MYOM2: variants seen among roughly 807,000 people sequenced by gnomAD.
The protein encoded by MYOM2 is myomesin-2.
In MYOM2, 254 loss-of-function variants were observed where a neutral mutation model predicts 187.6. The observed-to-expected ratio is 1.35, with a 90% CI of 1.22 to 1.50. MYOM2 has a LOEUF of 1.50. MYOM2 is among the 40% of genes most tolerant of loss of function. The pLI, the probability that MYOM2 is intolerant of heterozygous loss-of-function variation, is 0.00. For synonymous variants in MYOM2, 981 were observed against 753.8 expected (o/e 1.30, Z -4.94); for missense variants, 2,796 against 1,924.0 (o/e 1.45, Z -8.48).
chr8:2,117,059 A>C (rs189904926), intron 27 of MYOM2, among the ~76,000 whole-genome samples: 1 of 152,246 alleles, frequency 6.6e-6, no homozygotes, highest in Admixed American at 6.5e-5. Flanking sequence ...CACTGCGCCC[A>C]GCCTCAAAAA....
At chr8:2,071,215 G>C (rs538073217) in intron 8 of MYOM2, among the ~76,000 whole-genome samples, 3 of 151,268 alleles carry the variant, frequency 2.0e-5, no homozygotes, top group African/African-American at 4.9e-5. Flanking sequence ...GGTTGTTCTC[G>C]AACTCCTGGG....
At chr8:2,078,195 T>G (rs1585862717) in intron 11 of MYOM2, among the ~76,000 whole-genome samples, 2 of 152,344 alleles carry the variant, frequency 1.3e-5, no homozygotes, top group East Asian at 1.9e-4. Context: ...AAATTCCACA[T>G]GAGAGGCATT....
chr8:2,067,858 A>T (rs747154923), intron 6 of MYOM2, among the ~76,000 whole-genome samples: 3 of 151,996 alleles, frequency 2.0e-5, no homozygotes, highest in Non-Finnish European at 4.4e-5. Flanking sequence ...ATGTCTTGGG[A>T]TCATATTACT....
intron 36 of MYOM2, among the ~76,000 whole-genome samples, chr8:2,144,202 T>A (rs1798375772): frequency 6.6e-6 from 1 of 152,354 alleles, no homozygotes; most frequent in South Asian, 2.1e-4. Context: ...AAGCATGTTT[T>A]AACTAAGCTT....
chr8:2,063,875 A>G (rs1818926773), intron 6 of MYOM2, among the ~76,000 whole-genome samples: 1 of 152,230 alleles, frequency 6.6e-6, no homozygotes, highest in South Asian at 2.1e-4. Context: ...GAGACCAGAG[A>G]AGACTCTCTC....
intron 13 of MYOM2, among the ~76,000 whole-genome samples, chr8:2,084,611 A>C (rs1819744458): frequency 6.6e-6 from 1 of 152,202 alleles, no homozygotes; most frequent in Non-Finnish European, 1.5e-5. Context: ...TTTAAAAAAG[A>C]TGTATGTCAG....
chr8:2,079,654 G>A (rs1337091376), intron 13 of MYOM2, 41 bp downstream of exon 13: 2 of 1,599,044 alleles, frequency 1.3e-6, no homozygotes, highest in African/African-American at 2.7e-5. Context: ...AGCCCCTGGG[G>A]ATTTGGAGTT....
intron 16 of MYOM2, among the ~76,000 whole-genome samples, chr8:2,092,977 C>T (rs1038527233): frequency 5.3e-5 from 8 of 152,204 alleles, no homozygotes; most frequent in Middle Eastern, 3.4e-3. Flanking sequence ...GGGGCAGCCT[C>T]GGGGGATGCT....
At chr8:2,055,544 C>T (rs1283181118) in intron 3 of MYOM2, among the ~76,000 whole-genome samples, 2 of 151,874 alleles carry the variant, frequency 1.3e-5, no homozygotes, top group African/African-American at 4.8e-5. Context: ...GAGGTGAGGT[C>T]CCCGATTCCT....
intron 32 of MYOM2, among the ~76,000 whole-genome samples, chr8:2,129,467 T>C (rs1332186510): frequency 1.3e-5 from 2 of 152,150 alleles, no homozygotes; most frequent in Non-Finnish European, 2.9e-5. Flanking sequence ...CAGACAAATT[T>C]CTCTAGTGTC....
chr8:2,099,590 T>C (rs1024282498), intron 19 of MYOM2, among the ~76,000 whole-genome samples: 6 of 152,284 alleles, frequency 3.9e-5, no homozygotes, highest in Non-Finnish European at 7.4e-5. Context: ...CGCACTCTAC[T>C]GGTTTTTTGT....
chr8:2,086,477 C>CGTG (rs1796071358), intron 14 of MYOM2, among the ~76,000 whole-genome samples: 1 of 138,120 alleles, frequency 7.2e-6, no homozygotes, highest in Non-Finnish European at 1.6e-5. Context: ...CACACACTGT[C>CGTG]ATGATCTCTG....
chr8:2,076,197 G>T lies in MYOM2; in HGVS notation c.1177G>T (p.Asp393Tyr). ...PGAPMDLQCH[D>Y]ANRDYVIVTW... is the part of the protein sequence containing the mutation. The stretch of plus-strand genomic sequence containing the variant: ...TGCACCCATGGACTTGCAGTGCCAC[G>T]ACGCCAACCGGGACTACGTCATCGT... The change falls in exon 11 of 37, where the codon GAC becomes TAC. Residue 393 changes from aspartate to tyrosine, a missense_variant. By Grantham distance (160) the Asp-to-Tyr change is radical. Coordinates refer to ENST00000262113, the MANE Select transcript of MYOM2 (RefSeq NM_003970.4). 2 of 1,613,504 alleles carry T rather than the reference G, an allele frequency of 1.2e-6. No individual in the cohort carries two copies. Among genetic ancestry groups the T allele is most frequent in the Non-Finnish European group, 1.7e-6 (2 of 1,179,890 alleles).
At chr8:2,118,179 A>T (rs1797310862) in intron 28 of MYOM2, among the ~76,000 whole-genome samples, 1 of 152,122 alleles carries the variant, frequency 6.6e-6, no homozygotes, top group South Asian at 2.1e-4. Flanking sequence ...GTGTAGTGGG[A>T]TGCAATGGAA....
At chr8:2,078,982 G>A in intron 12 of MYOM2, 49 bp downstream of exon 12, 2 of 1,572,574 alleles carry the variant, frequency 1.3e-6, no homozygotes, top group Non-Finnish European at 1.7e-6. Context: ...AGCTTTGGCT[G>A]TTTTGTGTGT....
chr8:2,050,111 G>C (rs185755680), intron 1 of MYOM2, among the ~76,000 whole-genome samples: 3 of 152,118 alleles, frequency 2.0e-5, no homozygotes, highest in Non-Finnish European at 4.4e-5. Context: ...GCAGACACCC[G>C]CCACCTCCGC....
At chr8:2,080,509 C>G (rs1299167502) in intron 13 of MYOM2, among the ~76,000 whole-genome samples, 1 of 152,194 alleles carries the variant, frequency 6.6e-6, no homozygotes, top group African/African-American at 2.4e-5. Context: ...GAGTTCTGGT[C>G]AAGCCAAGGG....
At chr8:2,120,025 CTG>C (rs1204462697) in intron 28 of MYOM2, among the ~76,000 whole-genome samples, 1 of 152,102 alleles carries the variant, frequency 6.6e-6, no homozygotes, top group East Asian at 1.9e-4. Flanking sequence ...CAGGAGTGGG[CTG>C]TGATTGCCAC....
In MYOM2 at chr8:2,115,952, G is replaced by C; in HGVS notation, c.3181-8G>C. ...TATAATTCTCCATTTCCCTTGTTTT[G>C]CTTGCAGATACACAGAATTAAATGT... On this transcript the variant is annotated splice_polypyrimidine_tract_variant and splice_region_variant and intron_variant, in intron 25 of 36. Coordinates refer to ENST00000262113, the MANE Select transcript of MYOM2 (RefSeq NM_003970.4). 6.2e-7 allele frequency: 1 copy of C among 1,605,246 alleles called. No homozygotes were observed. The highest frequency in any genetic ancestry group is 8.5e-7 in the Non-Finnish European group (1 of 1,177,922).
Sources: allele counts gnomAD v4.1 joint callset (sites outside exome capture counted in the v4.1 genomes callset), GRCh38; gene constraint gnomAD v4.1.1; transcripts MANE v1.5; gene names NCBI Gene and HGNC (gene_info 2026-07-23, HGNC 2026-07-21).